ROR1: variants seen among roughly 807,000 people sequenced by gnomAD.
ROR1 encodes ROR family WNT receptor 1.
In ROR1, 19 loss-of-function variants were observed where a neutral mutation model predicts 78.8. The observed-to-expected ratio is 0.24, with a 90% confidence interval of 0.17 to 0.35. The LOEUF (loss-of-function observed/expected upper bound fraction) is 0.35, where lower values mean the gene tolerates loss of function less well. ROR1 is among the 10% of genes least tolerant of loss of function. The pLI is 1.00. For missense variants in ROR1, 917 were observed against 1,177.8 expected (o/e 0.78, Z 3.24); for synonymous variants, 386 against 433.6 (o/e 0.89, Z 1.36).
At chr1:64,044,608 G>A (rs1039487120) in intron 2 of ROR1, among the ~76,000 whole-genome samples, 1 of 152,066 alleles carries the variant, frequency 6.6e-6, no homozygotes, top group Non-Finnish European at 1.5e-5. Context: ...GGCAGTATAC[G>A]TAAAGTACTC....
chr1:64,116,919 A>C (rs1448291876), intron 4 of ROR1, among the ~76,000 whole-genome samples: 1 of 152,192 alleles, frequency 6.6e-6, no homozygotes, highest in Non-Finnish European at 1.5e-5. Flanking sequence ...ATATGAAATA[A>C]CATATGAAAT....
At chr1:63,991,963 G>C (rs1466891591) in intron 1 of ROR1, among the ~76,000 whole-genome samples, 1 of 152,160 alleles carries the variant, frequency 6.6e-6, no homozygotes, top group African/African-American at 2.4e-5. Context: ...GAATAGGAAA[G>C]GAGAATGTAA....
intron 4 of ROR1, among the ~76,000 whole-genome samples, chr1:64,123,011 A>C (rs889425094): frequency 6.6e-6 from 1 of 152,180 alleles, no homozygotes; most frequent in African/African-American, 2.4e-5. Context: ...GGTTTTTGAT[A>C]GCTACATTCC....
At chr1:63,878,196 G>C (rs1645299915) in intron 1 of ROR1, among the ~76,000 whole-genome samples, 1 of 152,156 alleles carries the variant, frequency 6.6e-6, no homozygotes. Context: ...GTGTATAGCA[G>C]GGTCTGCCCG....
chr1:64,132,901 G>A (rs1364928558), intron 4 of ROR1, among the ~76,000 whole-genome samples: 1 of 152,096 alleles, frequency 6.6e-6, no homozygotes, highest in Non-Finnish European at 1.5e-5. Flanking sequence ...TTCTGATGAG[G>A]AAGAAAATCG....
chr1:63,899,878 A>T (rs79294984), intron 1 of ROR1, among the ~76,000 whole-genome samples: 5,123 of 152,048 alleles, frequency 0.034, 130 homozygotes, highest in Middle Eastern at 0.055. Flanking sequence ...GGTAAAAGGG[A>T]GGGAGGAACT....
intron 4 of ROR1, among the ~76,000 whole-genome samples, chr1:64,135,000 C>T (rs1400852687): frequency 1.3e-5 from 2 of 152,074 alleles, no homozygotes; most frequent in South Asian, 2.1e-4. Flanking sequence ...CCACCCGTCT[C>T]GGCCTCCCAG....
intron 1 of ROR1, among the ~76,000 whole-genome samples, chr1:63,946,022 G>A (rs1324188643): frequency 6.6e-6 from 1 of 152,144 alleles, no homozygotes; most frequent in Non-Finnish European, 1.5e-5. Flanking sequence ...TGTGCTATCA[G>A]AAGTAAGTTT....
Position 64,031,195 on chromosome 1 carries a change from T to C in ROR1, c.164-18496T>C, listed in dbSNP as rs138300858. Among the ~76,000 whole-genome samples the C allele has an allele frequency of 5.0e-3, 760 of 152,288 alleles. 12 individuals are homozygous for C. Among genetic ancestry groups the C allele is most frequent in the Non-Finnish European group, 5.8e-3 (394 of 68,018 alleles). On this transcript the variant is annotated intron_variant, in intron 2 of 8. Transcript: ENST00000371079. The stretch of plus-strand genomic sequence containing the variant: ...TGTCAGTTAGTATTTATGAAGCTGT[T>C]TGGAGGACACAGCTTGGAAATATCC...
At chr1:63,995,501 G>T (rs983757992) in intron 1 of ROR1, among the ~76,000 whole-genome samples, 1 of 152,172 alleles carries the variant, frequency 6.6e-6, no homozygotes, top group African/African-American at 2.4e-5. Flanking sequence ...CCCTCCATTT[G>T]TCTTTTGCCT....
chr1:63,793,726 G>A (rs747215541), intron 1 of ROR1, among the ~76,000 whole-genome samples: 2 of 152,158 alleles, frequency 1.3e-5, no homozygotes, highest in Non-Finnish European at 2.9e-5. Context: ...TTGCTTCAGC[G>A]GTCACTTGGT....
chr1:63,846,363 TGTGA>T (rs1225988335), intron 1 of ROR1, among the ~76,000 whole-genome samples: 1 of 152,162 alleles, frequency 6.6e-6, no homozygotes, highest in South Asian at 2.1e-4. Flanking sequence ...GCTCTCAGGC[TGTGA>T]GTAAATTCTT....
Position 64,179,024 on chromosome 1 carries a change from G to GAA in ROR1, c.*190_*191dup, listed in dbSNP as rs10709706. 906 of 157,672 alleles carry GAA rather than the reference G, an allele frequency of 5.7e-3. 1 individual carries two copies. The highest frequency in any genetic ancestry group is 0.011 in the South Asian group (133 of 12,516). The allele number at this position is 157,672 out of a possible 1,614,324, so 9.8% of individuals were successfully genotyped here. The stretch of plus-strand genomic sequence containing the variant: ...ACCAAGCAGGACAGACACTCGGCCA[G>GAA]AAAAAAAAAAAAAAAAAAAAAACAA... On this transcript the variant is annotated 3_prime_UTR_variant, in exon 9 of 9. Coordinates refer to ENST00000371079, the MANE Select transcript of ROR1 (RefSeq NM_005012.4).
intron 1 of ROR1, among the ~76,000 whole-genome samples, chr1:63,850,183 A>G (rs1460214658): frequency 6.6e-6 from 1 of 152,218 alleles, no homozygotes; most frequent in Non-Finnish European, 1.5e-5. Context: ...TGTTTTTGGT[A>G]TTAACCTTGT....
chr1:63,820,580 G>A (rs1407798317), intron 1 of ROR1, among the ~76,000 whole-genome samples: 1 of 152,168 alleles, frequency 6.6e-6, no homozygotes, highest in African/African-American at 2.4e-5. Context: ...GCTATATGCA[G>A]ATTCAGGTTT....
chr1:64,135,191 G>A (rs1309688753), intron 4 of ROR1, among the ~76,000 whole-genome samples: 2 of 152,106 alleles, frequency 1.3e-5, no homozygotes, highest in African/African-American at 4.8e-5. Flanking sequence ...GCAGTTCTAA[G>A]CCTTTGATAA....
intron 4 of ROR1, among the ~76,000 whole-genome samples, chr1:64,134,748 CTTTT>C (rs58315931): frequency 3.8e-5 from 5 of 131,556 alleles, no homozygotes; most frequent in East Asian, 2.2e-4. Context: ...TTCTTTCATT[CTTTT>C]TTTTTTTTTT....
intron 1 of ROR1, among the ~76,000 whole-genome samples, chr1:64,001,431 G>A (rs1335290149): frequency 6.6e-6 from 1 of 152,142 alleles, no homozygotes; most frequent in African/African-American, 2.4e-5. Context: ...TGTGGTAGTG[G>A]TTACTCGAAT....
chr1:64,049,937 A>G lies in ROR1; in HGVS notation c.410A>G (p.Lys137Arg). Residue 137 changes from lysine (K) to arginine (R), a missense_variant, in exon 3 of 9, where the codon AAG becomes AGG. Physicochemically the swap from Lys to Arg is conservative, Grantham distance 26. This residue lies in a region of ROR1 where 835 missense variants were observed against 1,069.8 expected (regional missense o/e 0.78). Coordinates refer to ENST00000371079, the MANE Select transcript of ROR1 (RefSeq NM_005012.4). ...TTCCAGTGCGTGGCAACAAACGGCA[A>G]GGAGGTGGTTTCTTCCACTGGAGTC... is the stretch of plus-strand genomic sequence containing the variant. ...GYFQCVATNG[K>R]EVVSSTGVLF... 1 of 1,614,206 alleles carries G rather than the reference A, an allele frequency of 6.2e-7. No homozygotes were observed. The highest frequency in any genetic ancestry group is 1.3e-5 in the African/African-American group (1 of 75,056).
Sources: gnomAD v4.1 joint callset for allele counts (sites outside exome capture counted in the v4.1 genomes callset) on GRCh38, gnomAD v4.1.1 for gene constraint, gnomAD v4.1.1 regional missense constraint, MANE v1.5 for transcripts, NCBI Gene and HGNC (gene_info 2026-07-23, HGNC 2026-07-21) for gene names.